Variants in PPFIA2 observed in about 807,000 individuals in gnomAD.
PPFIA2 encodes the protein PPFI scaffold protein A2.
In PPFIA2, 46 loss-of-function variants were observed where a neutral mutation model predicts 175.5. That is an observed-to-expected ratio of 0.26 (90% CI 0.21 to 0.34). PPFIA2 has a LOEUF of 0.34. Among genes scored for constraint, PPFIA2 ranks in the 10% least tolerant of loss-of-function variants. The pLI is 1.00. For missense variants in PPFIA2, 1,179 were observed against 1,506.1 expected, an observed-to-expected ratio of 0.78 and a Z score of 3.60; for synonymous variants, 568 against 511.4, an observed-to-expected ratio of 1.11 and a Z score of -1.49.
chr12:81,460,711 A>G (rs988876847), intron 4 of PPFIA2, among the ~76,000 whole-genome samples: 2 of 152,122 alleles, frequency 1.3e-5, no homozygotes, highest in African/African-American at 4.8e-5. Flanking sequence ...ACATCATCTT[A>G]CAAAGATACC....
intron 11 of PPFIA2, among the ~76,000 whole-genome samples, chr12:81,371,067 C>T (rs2080958520): frequency 6.6e-6 from 1 of 151,818 alleles, no homozygotes; most frequent in Non-Finnish European, 1.5e-5. Context: ...CATTTCAATT[C>T]TGGTGTGCTT....
At chr12:81,665,612 C>T (rs890464532) in intron 4 of PPFIA2, among the ~76,000 whole-genome samples, 1 of 152,008 alleles carries the variant, frequency 6.6e-6, no homozygotes, top group African/African-American at 2.4e-5. Context: ...TTAGAGAGGA[C>T]TTGCGTTTGC....
intron 3 of PPFIA2, among the ~76,000 whole-genome samples, chr12:81,739,004 A>G (rs181084571): frequency 6.6e-6 from 1 of 152,084 alleles, no homozygotes. Flanking sequence ...TAAATGGGTC[A>G]CTTCATGATG....
chr12:81,436,629 A>C (rs1184922823), intron 7 of PPFIA2, among the ~76,000 whole-genome samples: 1 of 152,138 alleles, frequency 6.6e-6, no homozygotes, highest in African/African-American at 2.4e-5. Context: ...GATTTCTTAT[A>C]CCAATTGCTC....
intron 3 of PPFIA2, among the ~76,000 whole-genome samples, chr12:81,723,776 A>G (rs2079663315): frequency 6.6e-6 from 1 of 151,010 alleles, no homozygotes; most frequent in Admixed American, 6.6e-5. Context: ...GCTCACTGAG[A>G]AAACTCTGCA....
intron 4 of PPFIA2, among the ~76,000 whole-genome samples, chr12:81,627,348 C>T (rs1168766477): frequency 6.6e-6 from 1 of 151,958 alleles, no homozygotes; most frequent in African/African-American, 2.4e-5. Flanking sequence ...TCCCAGTTAG[C>T]CTGATTTTAT....
chr12:81,321,221 G>A (rs1182839170), intron 22 of PPFIA2, among the ~76,000 whole-genome samples: 2 of 152,072 alleles, frequency 1.3e-5, no homozygotes, highest in African/African-American at 4.8e-5. Flanking sequence ...ATTATCAACT[G>A]ATGTTAGGTG....
At chr12:81,263,533 A>G (rs2036289275) in intron 30 of PPFIA2, 143 bp from the exon 31 acceptor site, 1 of 625,926 alleles carries the variant, frequency 1.6e-6, no homozygotes, top group African/African-American at 1.8e-5. Context: ...TTATCAAGAT[A>G]GTTAGTTCTA....
intron 22 of PPFIA2, among the ~76,000 whole-genome samples, chr12:81,323,511 C>T (rs184135778): frequency 1.8e-4 from 28 of 151,798 alleles, no homozygotes; most frequent in South Asian, 1.2e-3. Context: ...AACATGAAAT[C>T]GGAACCCAGA....
rs191494197 is a variant in PPFIA2 at position 81,755,056 on chromosome 12, A to T, written c.-2-833T>A. Among the ~76,000 whole-genome samples the T allele has an allele frequency of 1.2e-3, 176 of 152,304 alleles. 1 individual carries two copies. The highest frequency in any genetic ancestry group is 2.1e-3 in the Non-Finnish European group (145 of 68,006). ...GTCTGGTTTTCATCCAAACAATACA[A>T]ACTAGCACTCTTTCAAATATTCCGC... is the stretch of plus-strand genomic sequence containing the variant. On this transcript the variant is annotated intron_variant, in intron 2 of 32. Transcript: ENST00000549396.
At chr12:81,630,194 C>T (rs935246956) in intron 4 of PPFIA2, among the ~76,000 whole-genome samples, 1 of 152,174 alleles carries the variant, frequency 6.6e-6, no homozygotes, top group Admixed American at 6.5e-5. Context: ...AGACCAATTT[C>T]AAGTTTCTGA....
chr12:81,727,105 G>T (rs2080192962), intron 3 of PPFIA2, among the ~76,000 whole-genome samples: 1 of 151,272 alleles, frequency 6.6e-6, no homozygotes, highest in Admixed American at 6.6e-5. Context: ...AAAGCTAATT[G>T]ATGCAGCCCA....
chr12:81,623,491 C>T (rs1343419867), intron 4 of PPFIA2, among the ~76,000 whole-genome samples: 1 of 151,950 alleles, frequency 6.6e-6, no homozygotes, highest in Non-Finnish European at 1.5e-5. Context: ...TTGTATAAGA[C>T]TGAAAGATGT....
Position 81,666,228 on chromosome 12 carries a change from A to G in PPFIA2, c.303+10563T>C, listed in dbSNP as rs2070235292. ...CGATTCCTCAAGGATCTAGAACTAGAAATACTGTTTGACCCAGCCATCCCA... is the reference window on the plus strand; with the variant it reads ...CGATTCCTCAAGGATCTAGAACTAGGAATACTGTTTGACCCAGCCATCCCA... On this transcript the variant is annotated intron_variant, in intron 4 of 32. Transcript: ENST00000549396. 2.0e-5 allele frequency among the ~76,000 whole-genome samples: 3 copies of G among 152,322 alleles called. No homozygotes were observed. In the South Asian group the frequency reaches 6.2e-4, roughly 32 times the overall value.
At chr12:81,707,325 G>GA (rs1264355499) in intron 3 of PPFIA2, among the ~76,000 whole-genome samples, 1 of 151,704 alleles carries the variant, frequency 6.6e-6, no homozygotes, top group South Asian at 2.1e-4. Context: ...AAATTTACAA[G>GA]AAAAAAACAA....
At chr12:81,477,826 C>T (rs943258968) in intron 4 of PPFIA2, among the ~76,000 whole-genome samples, 3 of 151,498 alleles carry the variant, frequency 2.0e-5, no homozygotes, top group African/African-American at 4.9e-5. Flanking sequence ...TGAGGATTTT[C>T]GCATTGATGT....
chr12:81,465,868 G>A (rs2055519465), intron 4 of PPFIA2, among the ~76,000 whole-genome samples: 1 of 152,110 alleles, frequency 6.6e-6, no homozygotes, highest in African/African-American at 2.4e-5. Flanking sequence ...AAATCATTTA[G>A]TTTGGGAAGA....
chr12:81,334,391 T>C (rs574222039), intron 21 of PPFIA2, among the ~76,000 whole-genome samples: 1 of 152,200 alleles, frequency 6.6e-6, no homozygotes, highest in East Asian at 1.9e-4. Flanking sequence ...AGTCCATAAT[T>C]GGTACTCTGC....
chr12:81,654,349 T>C (rs1439965420), intron 4 of PPFIA2, among the ~76,000 whole-genome samples: 2 of 152,098 alleles, frequency 1.3e-5, no homozygotes, highest in Admixed American at 6.6e-5. Flanking sequence ...TAATTGTAAG[T>C]AAAAACTGCG....
Sources: gnomAD v4.1 joint callset for allele counts (sites outside exome capture counted in the v4.1 genomes callset) on GRCh38, gnomAD v4.1.1 for gene constraint, MANE v1.5 for transcripts, NCBI Gene and HGNC (gene_info 2026-07-23, HGNC 2026-07-21) for gene names.